Variants in DNAH17 observed in about 807,000 individuals in gnomAD.
DNAH17 encodes dynein axonemal heavy chain 17, also known as axonemal beta dynein heavy chain 17.
In DNAH17, 376 loss-of-function variants were observed where a neutral mutation model predicts 485.6. The observed-to-expected ratio is 0.77, with a 90% CI of 0.71 to 0.84. The LOEUF (loss-of-function observed/expected upper bound fraction) is 0.84. Ranked by LOEUF, DNAH17 falls within the 40% of genes least tolerant of loss-of-function variation. The pLI is 0.00. For missense variants in DNAH17, 6,370 were observed against 5,839.3 expected (o/e 1.09, Z -2.96); for synonymous variants, 3,031 against 2,405.9 (o/e 1.26, Z -7.60).
chr17:78,444,685 T>C lies in DNAH17; in HGVS notation c.11447A>G (p.Lys3816Arg). ...SEAPEKEIFP[K>R]EWKNKTALQK... ...CAGGGCCGTCTTGTTCTTCCACTCC[T>C]TGGGGAAGATCTCCTTCTCGGGGGC... The change falls in exon 71 of 81, where the codon AAG (lysine) becomes AGG (arginine). Residue 3816 changes from lysine to arginine, a missense_variant. Transcript: ENST00000389840. The C allele has an allele frequency of 1.2e-6, 2 of 1,610,412 alleles. No homozygotes were observed. Among genetic ancestry groups the C allele is most frequent in the Admixed American group, 1.7e-5 (1 of 59,060 alleles).
intron 19 of DNAH17, among the ~76,000 whole-genome samples, chr17:78,536,279 A>AAT (rs2143370080): frequency 6.6e-6 from 1 of 151,200 alleles, no homozygotes; most frequent in African/African-American, 2.5e-5. Flanking sequence ...CTCTACTAAA[A>AAT]ATATATAAAA....
rs1309751403 is a variant in DNAH17, at chr17:78,438,931, C to T, written c.11805+159G>A. ...ACCACCCAGCTGACCCCAGCAGAGC[C>T]GACACTGGGGATGCCTCCTCCTTCA... On this transcript the variant is annotated intron_variant, in intron 73 of 80. Transcript: ENST00000389840. 1.5e-5 allele frequency: 17 copies of T among 1,126,792 alleles called. No individual in the cohort carries two copies. The South Asian group carries it at 1.7e-4, about 11-fold the overall frequency. The allele number at this position is 1,126,792 out of a possible 1,614,324, so 69.8% of individuals were successfully genotyped here.
At chr17:78,532,316 A>G (rs1219563220) in intron 20 of DNAH17, among the ~76,000 whole-genome samples, 166 bp downstream of exon 20, 1 of 152,142 alleles carries the variant, frequency 6.6e-6, no homozygotes, top group East Asian at 1.9e-4. Flanking sequence ...TGGGAACTGT[A>G]AGTAACAAAC....
At chr17:78,557,630 CTG>C (rs1432538673) in intron 14 of DNAH17, among the ~76,000 whole-genome samples, 1 of 69,424 alleles carries the variant, frequency 1.4e-5, no homozygotes, top group African/African-American at 6.8e-5. Context: ...CAGAGTGAGA[CTG>C]TCTCAAAAAA....
At chr17:78,510,243 A>T in intron 27 of DNAH17, 141 bp downstream of exon 27, 1 of 1,179,328 alleles carries the variant, frequency 8.5e-7, no homozygotes, top group Non-Finnish European at 1.2e-6. Context: ...AAGATTTGTC[A>T]CAGGTTGGGT....
rs540338151 is a variant in DNAH17 at position 78,498,330 on chromosome 17, G to C, written c.5745+678C>G. On this transcript the variant is annotated intron_variant, in intron 37 of 80. Coordinates refer to ENST00000389840, the MANE Select transcript of DNAH17 (RefSeq NM_173628.4). ...AACGCCCTGACTTGCATTTCCTTTT[G>C]GAAGAGCACAATTGTCCCAGGCCGC... is the stretch of plus-strand genomic sequence containing the variant. Among the ~76,000 whole-genome samples the C allele has an allele frequency of 2.2e-3, 335 of 152,274 alleles. 2 individuals carry two copies. The highest frequency in any genetic ancestry group is 7.3e-3 in the African/African-American group (304 of 41,544).
chr17:78,544,108 G>A, intron 16 of DNAH17, 111 bp from the exon 17 acceptor site: 1 of 1,476,476 alleles, frequency 6.8e-7, no homozygotes, highest in Non-Finnish European at 9.2e-7. Flanking sequence ...CCTGATCTTG[G>A]ATTGGAGTCT....
rs771927554 is a variant in DNAH17 at position 78,475,311 on chromosome 17, G to A, written c.8478C>T (p.Thr2826=). ...YISGLDVFQI[T]LKKGYGIPDL... is the part of the protein sequence containing the mutation. ...CGGGGATCCCGTAGCCCTTCTTGAG[G>A]GTGATCTGAAACACGTCAAGCCCGC... The change falls in exon 54 of 81, where the codon ACC becomes ACT. Residue 2826 remains threonine (T), a synonymous_variant. Coordinates refer to ENST00000389840, the MANE Select transcript of DNAH17 (RefSeq NM_173628.4). 4.3e-6 allele frequency: 7 copies of A among 1,613,978 alleles called. No individual in the cohort carries two copies. Among genetic ancestry groups the A allele is most frequent in the East Asian group, 4.5e-5 (2 of 44,888 alleles).
At chr17:78,543,409 G>A (rs925516304) in intron 17 of DNAH17, among the ~76,000 whole-genome samples, 9 of 151,978 alleles carry the variant, frequency 5.9e-5, no homozygotes, top group Non-Finnish European at 1.2e-4. Context: ...TCCTGCCTCA[G>A]CCTCCCAAGT....
At chr17:78,514,682 G>A in intron 26 of DNAH17, 92 bp downstream of exon 26, 1 of 1,497,726 alleles carries the variant, frequency 6.7e-7, no homozygotes, top group South Asian at 1.3e-5. Flanking sequence ...ATCGGGCCCT[G>A]AACACCTTGG....
In DNAH17 at chr17:78,490,856, G is replaced by A. The variant is rs775680405; in HGVS notation, c.6670-9C>T. 1.9e-6 allele frequency: 3 copies of A among 1,589,162 alleles called. No individual in the cohort carries two copies. The South Asian group carries it at 3.4e-5, about 18-fold the overall frequency. On this transcript the variant is annotated splice_polypyrimidine_tract_variant and intron_variant, in intron 43 of 80. Coordinates refer to ENST00000389840, the MANE Select transcript of DNAH17 (RefSeq NM_173628.4). ...CTGGCCAGGGTGAGGACCTAGGAGG[G>A]GGACAGCAGCCCGTGGGGTCCTAAG...
At position 78,502,618 on chromosome 17, in the gene DNAH17, GT is replaced by G. The variant is rs2090338281; in HGVS notation, c.5162del (p.Asn1721ThrfsTer14). On this transcript the variant is annotated frameshift_variant, in exon 33 of 81. Coordinates refer to ENST00000389840, the MANE Select transcript of DNAH17 (RefSeq NM_173628.4). LOFTEE classifies it high-confidence loss of function. ...AFARLEEGYENAIRDYNKKQI... is the reference protein window; with the variant it reads ...AFARLEEGYEXAIRDYNKKQI... ...GCTTTTTGTTATAATCTCTGATAGC[GT>G]TTTCATAGCCTTCCTCCAGCCTGGC... 4 of 1,612,562 alleles carry G rather than the reference GT, an allele frequency of 2.5e-6. No individual in the cohort carries two copies. Among genetic ancestry groups the G allele is most frequent in the Non-Finnish European group, 3.4e-6 (4 of 1,179,780 alleles).
chr17:78,551,492 A>G, intron 16 of DNAH17, 43 bp downstream of exon 16: 1 of 1,588,546 alleles, frequency 6.3e-7, no homozygotes, highest in Non-Finnish European at 8.6e-7. Flanking sequence ...GGGCAGCCCC[A>G]GGCCCCCACA....
At chr17:78,469,817 G>A (rs1037413130) in intron 54 of DNAH17, among the ~76,000 whole-genome samples, 1 of 152,202 alleles carries the variant, frequency 6.6e-6, no homozygotes, top group African/African-American at 2.4e-5. Flanking sequence ...AAATAAGCCA[G>A]ACACGAAAGG....
At chr17:78,495,155 CT>C in intron 38 of DNAH17, 58 bp from the exon 39 acceptor site, 1 of 1,511,614 alleles carries the variant, frequency 6.6e-7, no homozygotes, top group Non-Finnish European at 8.9e-7. Context: ...ACCTACACCC[CT>C]GCCTGTCCCT....
At chr17:78,441,011 T>C (rs898950457) in intron 72 of DNAH17, 40 bp downstream of exon 72, 6 of 1,552,600 alleles carry the variant, frequency 3.9e-6, no homozygotes, top group Non-Finnish European at 5.2e-6. Flanking sequence ...ATGCTGACAA[T>C]ACTCCGTCTT....
Position 78,451,443 on chromosome 17 carries a change from C to T in DNAH17, c.10734+26G>A, listed in dbSNP as rs746994442. The T allele has an allele frequency of 1.3e-4, 207 of 1,588,438 alleles. 1 individual carries two copies. The highest frequency in any genetic ancestry group is 4.3e-4 in the South Asian group (37 of 86,062). Reference sequence around the variant, plus strand: ...CTCTGTGTGGGACGGCACCTCCTCCCGTGTGACCAAACTTCAGGCCATTAC... The same window carrying T: ...CTCTGTGTGGGACGGCACCTCCTCCTGTGTGACCAAACTTCAGGCCATTAC... On this transcript the variant is annotated intron_variant, in intron 66 of 80. Transcript: ENST00000389840.
At chr17:78,549,408 C>CA (rs1289049271) in intron 16 of DNAH17, among the ~76,000 whole-genome samples, 1 of 152,182 alleles carries the variant, frequency 6.6e-6, no homozygotes, top group Non-Finnish European at 1.5e-5. Context: ...ACAGTGGGCC[C>CA]AAGTGTTTGC....
intron 23 of DNAH17, 42 bp downstream of exon 23, chr17:78,526,838 C>A (rs2091091290): frequency 1.3e-6 from 2 of 1,557,430 alleles, no homozygotes; most frequent in Non-Finnish European, 8.7e-7. Flanking sequence ...GAGCCCCACG[C>A]TGCTCCCCGG....
Sources: allele counts gnomAD v4.1 joint callset (sites outside exome capture counted in the v4.1 genomes callset), GRCh38; gene constraint gnomAD v4.1.1; transcripts MANE v1.5; gene names NCBI Gene and HGNC (gene_info 2026-07-23, HGNC 2026-07-21).